The following DTD1 variants were observed in gnomAD, a reference collection of about 807,000 sequenced individuals.
DTD1 encodes the protein D-aminoacyl-tRNA deacylase 1.
DTD1 carries 13 observed loss-of-function variants against 25.6 expected under a neutral mutation model. That is an observed-to-expected ratio of 0.51 (90% CI 0.33 to 0.81). The LOEUF is 0.81. DTD1 is among the 30% of genes least tolerant of loss of function. The pLI, the probability that DTD1 is intolerant of heterozygous loss-of-function variation, is 0.02. For synonymous variants in DTD1, 110 were observed against 103.6 expected (o/e 1.06, Z -0.37); for missense variants, 193 against 266.4 (o/e 0.72, Z 1.92).
chr20:18,652,142 G>T (rs2060876619), intron 4 of DTD1, among the ~76,000 whole-genome samples: 1 of 152,240 alleles, frequency 6.6e-6, no homozygotes, highest in Non-Finnish European at 1.5e-5. Context: ...GGTTGGGGCT[G>T]ACATAGGGCG....
At chr20:18,600,771 C>CT (rs1294258924) in intron 3 of DTD1, among the ~76,000 whole-genome samples, 3 of 152,110 alleles carry the variant, frequency 2.0e-5, no homozygotes, top group African/African-American at 7.2e-5. Context: ...GCTCTGACTT[C>CT]TTTAATCACT....
At position 18,630,943 on chromosome 20, in the gene DTD1, C is replaced by G. The variant is rs1461854368; in HGVS notation, c.477+2710C>G. The G allele has an allele frequency of 2.3e-5, 9 of 398,324 alleles. No homozygotes were observed. The East Asian group carries it at 9.8e-4, about 43-fold the overall frequency. 24.7% of individuals were successfully genotyped at this position (398,324 alleles called of 1,614,324 possible). On this transcript the variant is annotated intron_variant, in intron 4 of 5. Coordinates refer to ENST00000377452, the MANE Select transcript of DTD1 (RefSeq NM_080820.6). ...TTGTGCCCTTCATAGTGCATCCTAC[C>G]AGGAGGTATGTGGTATTGATTTGTC...
At chr20:18,617,310 GA>G (rs2060712785) in intron 3 of DTD1, among the ~76,000 whole-genome samples, 2 of 148,268 alleles carry the variant, frequency 1.3e-5, no homozygotes, top group Admixed American at 1.4e-4. Context: ...TACGAATTCA[GA>G]AAAAAATTAT....
intron 3 of DTD1, among the ~76,000 whole-genome samples, chr20:18,621,889 C>T (rs1019694250): frequency 5.3e-5 from 8 of 152,152 alleles, no homozygotes; most frequent in Admixed American, 1.3e-4. Flanking sequence ...ACGGTGAAAC[C>T]CTGTCTCTAC....
rs139196689 is a variant in DTD1, at chr20:18,622,239, C to T, written c.371-5888C>T. 3.0e-3 allele frequency among the ~76,000 whole-genome samples: 454 copies of T among 152,150 alleles called. 2 individuals carry two copies. Among genetic ancestry groups the T allele is most frequent in the South Asian group, 0.026 (124 of 4,814 alleles). The stretch of plus-strand genomic sequence containing the variant: ...CTAATGATCTCCCTCCCCTTGCCCC[C>T]GACCCCCTGAAAGGCCCTGGTGTTT... On this transcript the variant is annotated intron_variant, in intron 3 of 5. Coordinates refer to ENST00000377452, the MANE Select transcript of DTD1 (RefSeq NM_080820.6).
chr20:18,664,352 T>C (rs368427535), intron 4 of DTD1, among the ~76,000 whole-genome samples: 3 of 152,230 alleles, frequency 2.0e-5, no homozygotes, highest in East Asian at 3.9e-4. Context: ...CCTCTGAGCA[T>C]GAGAAAGTGT....
At chr20:18,647,704 G>A (rs1042415875) in intron 4 of DTD1, among the ~76,000 whole-genome samples, 1 of 152,180 alleles carries the variant, frequency 6.6e-6, no homozygotes, top group Non-Finnish European at 1.5e-5. Context: ...CTGGTAAGGA[G>A]CTTGTACTTT....
intron 3 of DTD1, among the ~76,000 whole-genome samples, chr20:18,600,437 C>G (rs372916423): frequency 1.3e-5 from 2 of 152,316 alleles, no homozygotes; most frequent in South Asian, 4.1e-4. Context: ...ATTCTGGGCT[C>G]TCTGTTCTGT....
Position 18,621,934 on chromosome 20 carries a change from G to A in DTD1, c.371-6193G>A, listed in dbSNP as rs916763263. ...AAAAAATTAGCCGGGCATGGTGGTG[G>A]GCGCCTGTAGTCCCAGCTACTCGGG... On this transcript the variant is annotated intron_variant, in intron 3 of 5. Transcript: ENST00000377452. Among the ~76,000 whole-genome samples, 4 of 151,990 alleles carry A rather than the reference G, an allele frequency of 2.6e-5. No individual in the cohort carries two copies. In the East Asian group the frequency reaches 7.7e-4, roughly 29 times the overall value.
At position 18,631,564 on chromosome 20, in the gene DTD1, T is replaced by C; in HGVS notation, c.477+3331T>C. 4.1e-6 allele frequency: 4 copies of C among 985,502 alleles called. No individual in the cohort carries two copies. In the South Asian group the frequency reaches 1.9e-4, roughly 46 times the overall value. 61.0% of individuals were successfully genotyped at this position (985,502 alleles called of 1,614,324 possible). A position where few individuals can be genotyped will look rare whatever the true frequency, so the allele number is the denominator to read the frequency against. ...TCCCTTCTGCTCTGCCACAGTGTCC[T>C]TGGGTCTGTAAAGGTTCTCACCGAG... On this transcript the variant is annotated intron_variant, in intron 4 of 5. Coordinates refer to ENST00000377452, the MANE Select transcript of DTD1 (RefSeq NM_080820.6).
intron 3 of DTD1, among the ~76,000 whole-genome samples, chr20:18,608,249 G>A (rs1181674699): frequency 6.6e-6 from 1 of 150,598 alleles, no homozygotes; most frequent in African/African-American, 2.4e-5. Flanking sequence ...GGTGATTTGT[G>A]TCCTCTTTTT....
At chr20:18,627,838 C>T (rs1371561426) in intron 3 of DTD1, among the ~76,000 whole-genome samples, 3 of 152,138 alleles carry the variant, frequency 2.0e-5, no homozygotes, top group Non-Finnish European at 4.4e-5. Flanking sequence ...GAATAAGTCT[C>T]ACGAGATCTG....
At chr20:18,633,964 A>G (rs1373721598) in intron 4 of DTD1, among the ~76,000 whole-genome samples, 3 of 152,182 alleles carry the variant, frequency 2.0e-5, no homozygotes, top group Non-Finnish European at 2.9e-5. Context: ...TGGCAGTGAT[A>G]AGTTGGAAGG....
intron 4 of DTD1, among the ~76,000 whole-genome samples, chr20:18,639,756 C>T (rs1054514946): frequency 6.6e-6 from 1 of 152,120 alleles, no homozygotes. Context: ...TATTTTTAAT[C>T]ATGAAAGTGA....
chr20:18,739,513 C>T (rs927779171), intron 4 of DTD1, among the ~76,000 whole-genome samples: 34 of 152,158 alleles, frequency 2.2e-4, no homozygotes, highest in African/African-American at 7.7e-4. Context: ...ATGGTTTGGA[C>T]AGTCTCTCCC....
intron 3 of DTD1, among the ~76,000 whole-genome samples, chr20:18,626,727 A>G (rs2060760518): frequency 6.6e-6 from 1 of 152,182 alleles, no homozygotes; most frequent in African/African-American, 2.4e-5. Flanking sequence ...ATCTGTACGG[A>G]TGGAAATTCA....
At chr20:18,694,892 G>C (rs989041116) in intron 4 of DTD1, among the ~76,000 whole-genome samples, 1 of 152,156 alleles carries the variant, frequency 6.6e-6, no homozygotes, top group African/African-American at 2.4e-5. Context: ...AAAGACTGCA[G>C]TACCCCCAAG....
At chr20:18,633,193 G>A (rs551257919) in intron 4 of DTD1, among the ~76,000 whole-genome samples, 56 of 152,242 alleles carry the variant, frequency 3.7e-4, no homozygotes, top group South Asian at 8.3e-4. Flanking sequence ...GTGACCAGGC[G>A]TCCGTGGCCC....
At chr20:18,600,065 A>T (rs2060627651) in intron 3 of DTD1, among the ~76,000 whole-genome samples, 1 of 152,092 alleles carries the variant, frequency 6.6e-6, no homozygotes, top group Non-Finnish European at 1.5e-5. Flanking sequence ...TTGTCTTTTC[A>T]TTCTCTTGAC....
Sources: gnomAD v4.1 joint callset for allele counts (sites outside exome capture counted in the v4.1 genomes callset) on GRCh38, gnomAD v4.1.1 for gene constraint, MANE v1.5 for transcripts, NCBI Gene and HGNC (gene_info 2026-07-23, HGNC 2026-07-21) for gene names.